The following VPS26B variants were observed in gnomAD, a reference collection of about 807,000 sequenced individuals.
The protein encoded by VPS26B is VPS26 retromer complex component B, also known as vacuolar protein sorting-associated protein 26B.
VPS26B carries 10 observed loss-of-function variants against 33.3 expected under a neutral mutation model. The ratio of observed to expected loss-of-function variants is 0.30; its 90% CI spans 0.19 to 0.51. The LOEUF is 0.51. Among genes scored for constraint, VPS26B ranks in the 20% least tolerant of loss-of-function variants. The pLI, the probability that VPS26B is intolerant of heterozygous loss-of-function variation, is 0.98. For synonymous variants in VPS26B, 190 were observed against 176.9 expected (o/e 1.07, Z -0.59); for missense variants, 317 against 452.7 (o/e 0.70, Z 2.72).
intron 1 of VPS26B, among the ~76,000 whole-genome samples, chr11:134,231,322 C>G (rs1304981218): frequency 6.6e-6 from 1 of 152,008 alleles, no homozygotes; most frequent in East Asian, 1.9e-4. Context: ...ATTCATTAGC[C>G]CTTGAAACAC....
chr11:134,239,973 C>T lies in VPS26B; in HGVS notation c.381-18C>T. The T allele has an allele frequency of 1.9e-6, 3 of 1,614,024 alleles. No homozygotes were observed. Among genetic ancestry groups the T allele is most frequent in the Non-Finnish European group, 2.5e-6 (3 of 1,180,006 alleles). The stretch of plus-strand genomic sequence containing the variant: ...GGAGACTGGGAGTGTTTATTCATGA[C>T]AGTTCCGTCTCCTACAGCTATTTCC... On this transcript the variant is annotated intron_variant, in intron 2 of 5. Coordinates refer to ENST00000281187, the MANE Select transcript of VPS26B (RefSeq NM_052875.5).
chr11:134,239,299 C>T (rs1938682274), intron 2 of VPS26B, among the ~76,000 whole-genome samples: 1 of 152,198 alleles, frequency 6.6e-6, no homozygotes, highest in South Asian at 2.1e-4. Context: ...CACTGGATCG[C>T]AGCATCTCAA....
Position 134,225,323 on chromosome 11 carries a change from G to A in VPS26B, c.201G>A (p.Lys67=), listed in dbSNP as rs748729536. The A allele has an allele frequency of 5.6e-6, 9 of 1,613,848 alleles. No homozygotes were observed. The highest frequency in any genetic ancestry group is 5.9e-6 in the Non-Finnish European group (7 of 1,179,940). Residue 67 remains lysine (K), a synonymous_variant, in exon 1 of 6, where the codon AAG becomes AAA. Coordinates refer to ENST00000281187, the MANE Select transcript of VPS26B (RefSeq NM_052875.5). Reference sequence around the variant, plus strand: ...AGCGGCTGGAGCACCAGGGCATCAAGATCGAGTTCATCGGGCAGATCGGTG... The same window carrying A: ...AGCGGCTGGAGCACCAGGGCATCAAAATCGAGTTCATCGGGCAGATCGGTG... The part of the protein sequence containing the change: ...PNKRLEHQGI[K]IEFIGQIELY...
At chr11:134,233,451 C>T (rs762641993) in intron 1 of VPS26B, among the ~76,000 whole-genome samples, 49 of 152,202 alleles carry the variant, frequency 3.2e-4, no homozygotes, top group Non-Finnish European at 5.7e-4. Context: ...CGGCCGGGCA[C>T]GGTGGCTCGC....
chr11:134,234,495 T>G lies in VPS26B; in HGVS notation c.224-402T>G, dbSNP rs143900637. 9.8e-5 allele frequency among the ~76,000 whole-genome samples: 15 copies of G among 152,332 alleles called. No homozygotes were observed. The East Asian group carries it at 2.7e-3, about 27-fold the overall frequency. On this transcript the variant is annotated intron_variant, in intron 1 of 5. Transcript: ENST00000281187. ...TTAAACGGGGTGATAAGACCTGTCT[T>G]AGCTGTGTCAGAAGATTATTATTAT...
intron 1 of VPS26B, among the ~76,000 whole-genome samples, chr11:134,228,214 C>G (rs1191735402): frequency 2.6e-5 from 4 of 151,420 alleles, no homozygotes; most frequent in African/African-American, 9.7e-5. Context: ...TCCTGAAATA[C>G]ACACATGGAC....
intron 3 of VPS26B, among the ~76,000 whole-genome samples, chr11:134,242,401 G>C (rs571839690): frequency 6.6e-6 from 1 of 152,194 alleles, no homozygotes; most frequent in Non-Finnish European, 1.5e-5. Flanking sequence ...ATATAAGGAG[G>C]CTGAATTCTG....
At chr11:134,239,083 G>A (rs1938679468) in intron 2 of VPS26B, among the ~76,000 whole-genome samples, 1 of 152,210 alleles carries the variant, frequency 6.6e-6, no homozygotes, top group African/African-American at 2.4e-5. Flanking sequence ...GGGGATGACA[G>A]TGCTGCACTG....
At chr11:134,225,444 G>T (rs1433979938) in intron 1 of VPS26B, 99 bp downstream of exon 1, 2 of 1,212,644 alleles carry the variant, frequency 1.6e-6, no homozygotes, top group Non-Finnish European at 2.4e-6. Flanking sequence ...TGTCACAGTC[G>T]CTTGTCAACT....
intron 3 of VPS26B, among the ~76,000 whole-genome samples, chr11:134,242,681 G>C (rs139251545): frequency 1.3e-3 from 202 of 152,366 alleles, no homozygotes; most frequent in African/African-American, 4.7e-3. Context: ...GCCTAGAGCG[G>C]ACAGAACTGT....
intron 2 of VPS26B, among the ~76,000 whole-genome samples, chr11:134,237,946 C>T (rs1938657355): frequency 6.6e-6 from 1 of 152,088 alleles, no homozygotes; most frequent in African/African-American, 2.4e-5. Flanking sequence ...GGAGAGGGTT[C>T]TTGGGATTGG....
chr11:134,230,813 T>C (rs1938545411), intron 1 of VPS26B, among the ~76,000 whole-genome samples: 1 of 152,242 alleles, frequency 6.6e-6, no homozygotes, highest in Admixed American at 6.5e-5. Context: ...TGGACGTTTT[T>C]CTGTTATCCT....
intron 1 of VPS26B, among the ~76,000 whole-genome samples, chr11:134,232,974 G>C (rs1429494279): frequency 6.6e-6 from 1 of 152,192 alleles, no homozygotes; most frequent in Non-Finnish European, 1.5e-5. Flanking sequence ...CTTTTATTGG[G>C]GGGGCACAAT....
At position 134,240,780 on chromosome 11, in the gene VPS26B, T is replaced by TGTGTGTCC; in HGVS notation, c.545+631_545+632insCCGTGTGT. Among the ~76,000 whole-genome samples, 1 of 138,044 alleles carries TGTGTGTCC rather than the reference T, an allele frequency of 7.2e-6. No individual in the cohort carries two copies. The highest frequency in any genetic ancestry group is 2.5e-4 in the South Asian group (1 of 4,034). The allele number at this position is 138,044 out of a possible 152,430, so 90.6% of individuals were successfully genotyped here. A position where few individuals can be genotyped will look rare whatever the true frequency, so the allele number is the denominator to read the frequency against. ...CACCCAGCTAATTTGTGTCCGTGTGTGTGTGTGTGTGTCCGTGTGTGTGTG... is the reference window on the plus strand; with the variant it reads ...CACCCAGCTAATTTGTGTCCGTGTGTGTGTGTCCGTGTGTGTGTGTCCGTGTGTGTGTG... On this transcript the variant is annotated intron_variant, in intron 3 of 5. Coordinates refer to ENST00000281187, the MANE Select transcript of VPS26B (RefSeq NM_052875.5). The surrounding 1 kb of genome is among the most constrained non-coding windows in gnomAD (Gnocchi z 4.4).
At chr11:134,228,999 A>T (rs1324917332) in intron 1 of VPS26B, among the ~76,000 whole-genome samples, 2 of 152,026 alleles carry the variant, frequency 1.3e-5, no homozygotes. Flanking sequence ...TGGCAATCTC[A>T]TCTGCACCGA....
intron 2 of VPS26B, chr11:134,235,788 T>A (rs1361844548): frequency 6.6e-6 from 1 of 152,224 alleles, no homozygotes; most frequent in Non-Finnish European, 1.5e-5. Flanking sequence ...TAGAGACTGA[T>A]GCCAAGGTCT....
intron 2 of VPS26B, among the ~76,000 whole-genome samples, chr11:134,236,108 G>A (rs766375551): frequency 2.0e-5 from 3 of 151,770 alleles, no homozygotes; most frequent in Non-Finnish European, 2.9e-5. Context: ...CCAGGAATTC[G>A]ACACCAGCCT....
intron 1 of VPS26B, 94 bp from the exon 2 acceptor site, chr11:134,234,803 C>CAG: frequency 6.8e-7 from 1 of 1,469,792 alleles, no homozygotes; most frequent in Non-Finnish European, 9.2e-7. Flanking sequence ...TTCCAGAAAG[C>CAG]AGTCCCTCCA....
intron 1 of VPS26B, among the ~76,000 whole-genome samples, chr11:134,228,756 G>C (rs1186713214): frequency 6.6e-6 from 1 of 152,226 alleles, no homozygotes; most frequent in Non-Finnish European, 1.5e-5. Flanking sequence ...TGAGCTTGGG[G>C]CACCAGAGCG....
Sources: allele counts gnomAD v4.1 joint callset (sites outside exome capture counted in the v4.1 genomes callset), GRCh38; gene constraint gnomAD v4.1.1; non-coding constraint Gnocchi (gnomAD v3.1); transcripts MANE v1.5; gene names NCBI Gene and HGNC (gene_info 2026-07-23, HGNC 2026-07-21).